CLSTN1: variants seen among roughly 807,000 people sequenced by gnomAD.
The protein encoded by CLSTN1 is calsyntenin-1.
CLSTN1 carries 28 observed loss-of-function variants against 108.3 expected under a neutral mutation model. That is an observed-to-expected ratio of 0.26 (90% confidence interval 0.19 to 0.35). CLSTN1 has a LOEUF of 0.35. Ranked by LOEUF, CLSTN1 falls within the 10% of genes least tolerant of loss-of-function variation. CLSTN1 has a pLI of 1.00. For missense variants in CLSTN1, 1,157 were observed against 1,302.6 expected (o/e 0.89, Z 1.72); for synonymous variants, 524 against 534.9 (o/e 0.98, Z 0.28).
At chr1:9,743,829 A>AT in intron 9 of CLSTN1, 55 bp downstream of exon 9, 2 of 1,600,404 alleles carry the variant, frequency 1.2e-6, no homozygotes, top group African/African-American at 2.7e-5. Context: ...AAGTGCTGGG[A>AT]TTATAGGTGT....
At chr1:9,739,430 AT>A (rs1386044796) in intron 10 of CLSTN1, among the ~76,000 whole-genome samples, 1 of 152,206 alleles carries the variant, frequency 6.6e-6, no homozygotes, top group African/African-American at 2.4e-5. Flanking sequence ...GTTAATAACT[AT>A]ATTTCAGTTT....
intron 2 of CLSTN1, among the ~76,000 whole-genome samples, chr1:9,760,264 A>G (rs1341452529): frequency 6.6e-6 from 1 of 152,142 alleles, no homozygotes; most frequent in East Asian, 1.9e-4. Context: ...TCCTTTACCT[A>G]CAAGGACTTA....
intron 3 of CLSTN1, among the ~76,000 whole-genome samples, chr1:9,755,723 C>T (rs1353827282): frequency 1.3e-5 from 2 of 151,772 alleles, no homozygotes; most frequent in African/African-American, 4.8e-5. Context: ...CAGAGAGAAG[C>T]TAAAACGCAG....
chr1:9,814,736 C>T (rs1429786209), intron 1 of CLSTN1, among the ~76,000 whole-genome samples: 1 of 151,970 alleles, frequency 6.6e-6, no homozygotes, highest in Non-Finnish European at 1.5e-5. Flanking sequence ...ATAGGAAGAT[C>T]CCGTCTCTAC....
chr1:9,805,694 C>T (rs1027622337), intron 1 of CLSTN1, among the ~76,000 whole-genome samples: 3 of 151,562 alleles, frequency 2.0e-5, no homozygotes, highest in Admixed American at 2.0e-4. Context: ...TGGTGAAACC[C>T]CATCTCTACT....
Position 9,756,497 on chromosome 1 carries a change from C to T in CLSTN1, c.228G>A (p.Val76=). Reference sequence around the variant, plus strand: ...CTTTATCACCTTCTTTGGTGACTGTCACCTCAAAACTCTCTAAAGGGAGAA... The same window carrying T: ...CTTTATCACCTTCTTTGGTGACTGTTACCTCAAAACTCTCTAAAGGGAGAA... The part of the protein sequence containing the change: ...APLRFAESFE[V]TVTKEGEICG... The change falls in exon 3 of 19, where the codon GTG becomes GTA. Residue 76 remains valine (V), a synonymous_variant. Coordinates refer to ENST00000377298, the MANE Select transcript of CLSTN1 (RefSeq NM_001009566.3). 6.2e-7 allele frequency: 1 copy of T among 1,612,624 alleles called. No homozygotes were observed. The highest frequency in any genetic ancestry group is 1.3e-5 in the African/African-American group (1 of 75,004).
chr1:9,734,113 C>T lies in CLSTN1; in HGVS notation c.2140G>A (p.Val714Met), dbSNP rs144169927. The T allele has an allele frequency of 9.7e-5, 156 of 1,614,016 alleles. No individual in the cohort carries two copies. Among genetic ancestry groups the T allele is most frequent in the Non-Finnish European group, 1.2e-4 (138 of 1,180,026 alleles). Reference protein sequence around the residue: ...VQESLVSEEIVHDLDTCEVTV... With the variant: ...VQESLVSEEIMHDLDTCEVTV... ...ACCTCACAGGTATCCAGGTCGTGCA[C>T]GATCTCCTCGGACACCAGTGATTCT... Residue 714 changes from valine (V) to methionine (M), a missense_variant, in exon 15 of 19, where the codon GTG becomes ATG. Coordinates refer to ENST00000377298, the MANE Select transcript of CLSTN1 (RefSeq NM_001009566.3). The surrounding 1 kb of genome is among the most constrained non-coding windows in gnomAD (Gnocchi z 4.8).
Position 9,734,273 on chromosome 1 carries a change from G to A in CLSTN1, c.2111-131C>T, listed in dbSNP as rs942846438. 2.3e-5 allele frequency: 20 copies of A among 882,498 alleles called. No individual in the cohort carries two copies. In the East Asian group the frequency reaches 3.1e-4, roughly 14 times the overall value. 54.7% of individuals were successfully genotyped at this position (882,498 alleles called of 1,614,324 possible). ...GTAAGGACCAACGACAGAAGCAAGCGAGAGTTGCTTTCAAGAAACGGCTGG... is the reference window on the plus strand; with the variant it reads ...GTAAGGACCAACGACAGAAGCAAGCAAGAGTTGCTTTCAAGAAACGGCTGG... On this transcript the variant is annotated intron_variant, in intron 14 of 18. Transcript: ENST00000377298. The surrounding 1 kb of genome is among the most constrained non-coding windows in gnomAD (Gnocchi z 4.8).
intron 2 of CLSTN1, among the ~76,000 whole-genome samples, chr1:9,762,723 C>G (rs1203607911): frequency 6.7e-6 from 1 of 150,200 alleles, no homozygotes; most frequent in African/African-American, 2.5e-5. Flanking sequence ...CCTTGGTGCC[C>G]GCACTCAACG....
intron 1 of CLSTN1, among the ~76,000 whole-genome samples, chr1:9,794,680 T>G (rs1434413691): frequency 1.3e-5 from 2 of 151,448 alleles, no homozygotes; most frequent in East Asian, 3.9e-4. Flanking sequence ...ATGATTTCCT[T>G]CAATTTCCTA....
At chr1:9,805,866 C>CA (rs56899514) in intron 1 of CLSTN1, among the ~76,000 whole-genome samples, 22,033 of 74,396 alleles carry the variant, frequency 0.3, 2,878 homozygotes, top group African/African-American at 0.44. Context: ...GACTCTGTCT[C>CA]AAAAAAAAAA....
intron 10 of CLSTN1, among the ~76,000 whole-genome samples, chr1:9,739,277 T>C (rs528234353): frequency 6.6e-5 from 10 of 152,216 alleles, no homozygotes; most frequent in Non-Finnish European, 1.3e-4. Context: ...GCCACAGCTG[T>C]TGCAGATGCC....
intron 1 of CLSTN1, among the ~76,000 whole-genome samples, chr1:9,777,754 C>CCTGCT (rs1384288952): frequency 1.3e-5 from 2 of 152,158 alleles, no homozygotes; most frequent in Non-Finnish European, 2.9e-5. Context: ...CTGCACTCAG[C>CCTGCT]CTGCTGCCTT....
intron 1 of CLSTN1, among the ~76,000 whole-genome samples, chr1:9,796,601 G>A (rs1483159575): frequency 1.4e-5 from 2 of 147,486 alleles, no homozygotes; most frequent in Non-Finnish European, 1.5e-5. Context: ...GGAGAATGGC[G>A]TGAACCTGAG....
At chr1:9,792,133 G>A (rs577578447) in intron 1 of CLSTN1, among the ~76,000 whole-genome samples, 4 of 151,090 alleles carry the variant, frequency 2.6e-5, no homozygotes, top group Admixed American at 2.0e-4. Flanking sequence ...AGTGAGCTGA[G>A]ATCGGTCGTG....
Position 9,791,453 on chromosome 1 carries a change from C to T in CLSTN1, c.92-18059G>A, listed in dbSNP as rs951090461. The stretch of plus-strand genomic sequence containing the variant: ...CTCACTGTATTGCCCAGGCTGGTCT[C>T]GAACTTCTGGGCTCAAGCAATCCCC... On this transcript the variant is annotated intron_variant, in intron 1 of 18. Transcript: ENST00000377298. Among the ~76,000 whole-genome samples the T allele has an allele frequency of 1.8e-3, 268 of 151,564 alleles. 2 individuals are homozygous for T. The highest frequency in any genetic ancestry group is 6.1e-3 in the African/African-American group (254 of 41,524).
At chr1:9,816,748 G>A (rs952406310) in intron 1 of CLSTN1, among the ~76,000 whole-genome samples, 8 of 152,154 alleles carry the variant, frequency 5.3e-5, no homozygotes, top group Non-Finnish European at 1.2e-4. Flanking sequence ...CTGGGTTCAA[G>A]CAATTCTCCT....
Position 9,731,227 on chromosome 1 carries a change from G to C in CLSTN1, c.2727C>G (p.Thr909=), listed in dbSNP as rs370296229. 4 of 1,614,126 alleles carry C rather than the reference G, an allele frequency of 2.5e-6. No homozygotes were observed. In the African/African-American group the frequency reaches 5.3e-5, roughly 22 times the overall value. Residue 909 remains threonine, a synonymous_variant, in exon 18 of 19, where the codon ACC becomes ACG. Coordinates refer to ENST00000377298, the MANE Select transcript of CLSTN1 (RefSeq NM_001009566.3). The stretch of plus-strand genomic sequence containing the variant: ...CTACCTCCATGGGGTTGACGGTGAT[G>C]GTCAGGGCAGAGTCGTCCCAGTCCA... ...NEMDWDDSAL[T]ITVNPMETYE...
rs1570483204 is a variant in CLSTN1 at position 9,779,339 on chromosome 1, A to G, written c.92-5945T>C. 2.0e-5 allele frequency among the ~76,000 whole-genome samples: 3 copies of G among 152,292 alleles called. No individual in the cohort carries two copies. In the East Asian group the frequency reaches 5.8e-4, roughly 29 times the overall value. ...TGTAATCCCAGCACCTTGGGAGGTCAAGGCAGGCCAATTACCTAAGGTGAG... is the reference window on the plus strand; with the variant it reads ...TGTAATCCCAGCACCTTGGGAGGTCGAGGCAGGCCAATTACCTAAGGTGAG... On this transcript the variant is annotated intron_variant, in intron 1 of 18. Transcript: ENST00000377298.
Sources: allele counts gnomAD v4.1 joint callset (sites outside exome capture counted in the v4.1 genomes callset), GRCh38; gene constraint gnomAD v4.1.1; non-coding constraint Gnocchi (gnomAD v3.1); transcripts MANE v1.5; gene names NCBI Gene and HGNC (gene_info 2026-07-23, HGNC 2026-07-21).